Variants in DDX6 observed in about 807,000 individuals in gnomAD.
DDX6 encodes the protein probable ATP-dependent RNA helicase DDX6.
Under a neutral mutation model 60.6 loss-of-function variants are expected in DDX6, and 7 were observed. That is an observed-to-expected ratio of 0.12 (90% CI 0.07 to 0.22). The LOEUF (loss-of-function observed/expected upper bound fraction) is 0.22, where lower values mean the gene tolerates loss of function less well. Among genes scored for constraint, DDX6 ranks in the 10% least tolerant of loss-of-function variants. The pLI, the probability that DDX6 is intolerant of heterozygous loss-of-function variation, is 1.00. For missense variants in DDX6, 270 were observed against 589.9 expected (o/e 0.46, Z 5.62); for synonymous variants, 207 against 201.0 (o/e 1.03, Z -0.25).
intron 13 of DDX6, among the ~76,000 whole-genome samples, chr11:118,754,087 G>C (rs1860879798): frequency 6.6e-6 from 1 of 151,956 alleles, no homozygotes; most frequent in African/African-American, 2.4e-5. Context: ...AACAGAGCAA[G>C]ACTCTCAAAA....
intron 12 of DDX6, 60 bp from the exon 13 acceptor site, chr11:118,754,947 G>A: frequency 2.1e-6 from 3 of 1,442,610 alleles, no homozygotes; most frequent in Non-Finnish European, 2.8e-6. Context: ...TGTGAATTGT[G>A]CAAGTCAAGC....
rs1203057556 is a variant in DDX6, at chr11:118,748,062, AAAT to A, written c.*4040_*4042del. The A allele has an allele frequency of 6.6e-6, 1 of 152,108 alleles. No homozygotes were observed. Among genetic ancestry groups the A allele is most frequent in the Non-Finnish European group, 1.5e-5 (1 of 68,020 alleles). The allele number at this position is 152,108 out of a possible 1,614,324, so 9.4% of individuals were successfully genotyped here. Reference sequence around the variant, plus strand: ...TTCTCTACCATTTTTACTGAACAAAAAATAATTTTTTTTCCTGTTTCAAAAAAG... The same window carrying A: ...TTCTCTACCATTTTTACTGAACAAAAAATTTTTTTTCCTGTTTCAAAAAAG... On this transcript the variant is annotated 3_prime_UTR_variant, in exon 14 of 14. Transcript: ENST00000534980.
chr11:118,762,334 T>C (rs868990821), intron 7 of DDX6, among the ~76,000 whole-genome samples: 1 of 66,944 alleles, frequency 1.5e-5, no homozygotes, highest in African/African-American at 6.4e-5. Flanking sequence ...AATAACCTCA[T>C]GTCAAAACAT....
chr11:118,764,895 T>A (rs536929650), intron 6 of DDX6, among the ~76,000 whole-genome samples: 1 of 152,000 alleles, frequency 6.6e-6, no homozygotes, highest in East Asian at 1.9e-4. Context: ...GATAGAGATG[T>A]AAGTTTACAC....
intron 10 of DDX6, 88 bp from the exon 11 acceptor site, chr11:118,756,411 A>T: frequency 9.6e-7 from 1 of 1,044,328 alleles, no homozygotes; most frequent in Non-Finnish European, 1.5e-6. Flanking sequence ...GATCAGTTCT[A>T]CCCAAAATCT....
At chr11:118,768,422 A>G in intron 4 of DDX6, 70 bp from the exon 5 acceptor site, 19 of 1,518,542 alleles carry the variant, frequency 1.3e-5, no homozygotes, top group South Asian at 8.0e-5. Flanking sequence ...TCTGAAATAC[A>G]CTGAAGGATA....
chr11:118,757,415 G>A lies in DDX6; in HGVS notation c.994-128C>T, dbSNP rs545713774. On this transcript the variant is annotated intron_variant, in intron 9 of 13. Transcript: ENST00000534980. ...TCTAAAACTTAGAATCTCATGATATGAGAGAGATGGTAAATTGTAAAAATT... is the reference window on the plus strand; with the variant it reads ...TCTAAAACTTAGAATCTCATGATATAAGAGAGATGGTAAATTGTAAAAATT... 1.8e-5 allele frequency: 9 copies of A among 501,542 alleles called. No individual in the cohort carries two copies. The South Asian group carries it at 3.4e-4, about 19-fold the overall frequency. The allele number at this position is 501,542 out of a possible 1,614,324, so 31.1% of individuals were successfully genotyped here.
chr11:118,772,656 T>C (rs1861572900), intron 4 of DDX6, among the ~76,000 whole-genome samples: 2 of 152,128 alleles, frequency 1.3e-5, no homozygotes, highest in East Asian at 1.9e-4. Flanking sequence ...ATAAAGCTAT[T>C]ACCCCCAAAA....
intron 6 of DDX6, among the ~76,000 whole-genome samples, chr11:118,763,533 C>T (rs1861245206): frequency 6.6e-6 from 1 of 151,976 alleles, no homozygotes; most frequent in Admixed American, 6.6e-5. Flanking sequence ...ACATGACTAT[C>T]TTTTATTAGA....
chr11:118,754,618 T>C, intron 13 of DDX6, 87 bp downstream of exon 13: 3 of 1,175,368 alleles, frequency 2.6e-6, no homozygotes, highest in Non-Finnish European at 3.6e-6. Context: ...CTATTATATA[T>C]GGTGTGACAT....
rs1374971466 is a variant in DDX6, at chr11:118,766,080, A to T, written c.500-725T>A. On this transcript the variant is annotated intron_variant, in intron 5 of 13. Transcript: ENST00000534980. ...GAGCGAAACTCCGTCTCAAATAAAA[A>T]AAAAGAAAAGAAACACTGCCCCTTA... 5.9e-5 allele frequency among the ~76,000 whole-genome samples: 9 copies of T among 152,068 alleles called. No homozygotes were observed. The East Asian group carries it at 1.5e-3, about 26-fold the overall frequency.
At chr11:118,783,040 C>G (rs1399305434) in intron 2 of DDX6, among the ~76,000 whole-genome samples, 3 of 152,032 alleles carry the variant, frequency 2.0e-5, no homozygotes, top group East Asian at 1.9e-4. Context: ...CAATGCAAAA[C>G]CTGACCACAA....
Position 118,759,997 on chromosome 11 carries a change from A to G in DDX6, c.789T>C (p.Ile263=), listed in dbSNP as rs782512729. The stretch of plus-strand genomic sequence containing the variant: ...GCCTGTTTTTAGGTAGCGTGAGAAT[A>G]ATATCCTCCATTATCTGCACAAAAT... ...SQDFVQIMED[I]ILTLPKNRQI... The change falls in exon 8 of 14, where the codon ATT becomes ATC. Residue 263 remains isoleucine, a synonymous_variant. Transcript: ENST00000534980. The G allele has an allele frequency of 3.3e-5, 53 of 1,613,456 alleles. No individual in the cohort carries two copies. Among genetic ancestry groups the G allele is most frequent in the Non-Finnish European group, 4.5e-5 (53 of 1,179,738 alleles).
chr11:118,765,512 C>G (rs1314022470), intron 5 of DDX6, among the ~76,000 whole-genome samples, 157 bp from the exon 6 acceptor site: 1 of 152,122 alleles, frequency 6.6e-6, no homozygotes, highest in African/African-American at 2.4e-5. Context: ...CAGTGGCTCA[C>G]GCCTGTAATC....
chr11:118,757,825 A>C (rs1861030593), intron 9 of DDX6, among the ~76,000 whole-genome samples: 1 of 152,102 alleles, frequency 6.6e-6, no homozygotes. Context: ...TCTTGACCTC[A>C]GGTGATCTGC....
chr11:118,755,573 T>C, intron 11 of DDX6, 70 bp from the exon 12 acceptor site: 1 of 828,886 alleles, frequency 1.2e-6, no homozygotes, highest in Non-Finnish European at 2.0e-6. Context: ...CTAACACATA[T>C]TTCTAGCATA....
In DDX6 at chr11:118,758,759, A is replaced by G. The variant is rs1555159554; in HGVS notation, c.993+15T>C. The G allele has an allele frequency of 6.2e-7, 1 of 1,612,446 alleles. No individual in the cohort carries two copies. The highest frequency in any genetic ancestry group is 1.3e-5 in the African/African-American group (1 of 74,866). On this transcript the variant is annotated intron_variant, in intron 9 of 13. Coordinates refer to ENST00000534980, the MANE Select transcript of DDX6 (RefSeq NM_004397.6). ...CTCGAGAGATAATATTCAACAGCAGAAGCCTACTTCTTACCCTGGAGAAAA... is the reference window on the plus strand; with the variant it reads ...CTCGAGAGATAATATTCAACAGCAGGAGCCTACTTCTTACCCTGGAGAAAA...
At chr11:118,765,389 T>TG in intron 5 of DDX6, 34 bp from the exon 6 acceptor site, 1 of 1,607,362 alleles carries the variant, frequency 6.2e-7, no homozygotes. Context: ...TAAGAAAATA[T>TG]GGGGTGAGGT....
At chr11:118,762,560 T>C (rs1555160483) in intron 7 of DDX6, among the ~76,000 whole-genome samples, 1 of 152,164 alleles carries the variant, frequency 6.6e-6, no homozygotes, top group Non-Finnish European at 1.5e-5. Context: ...TCAATCATCA[T>C]GTGGCTGACT....
Sources: allele counts gnomAD v4.1 joint callset (sites outside exome capture counted in the v4.1 genomes callset), GRCh38; gene constraint gnomAD v4.1.1; transcripts MANE v1.5; gene names NCBI Gene and HGNC (gene_info 2026-07-23, HGNC 2026-07-21).